Variants in SETBP1 observed in about 807,000 individuals in gnomAD.
The protein encoded by SETBP1 is SET-binding protein.
In SETBP1, 9 loss-of-function variants were observed where a neutral mutation model predicts 101.0. The ratio of observed to expected loss-of-function variants is 0.09; its 90% CI spans 0.05 to 0.16. The LOEUF (loss-of-function observed/expected upper bound fraction) is 0.16. Among genes scored for constraint, SETBP1 ranks in the 10% least tolerant of loss-of-function variants. The pLI, the probability that SETBP1 is intolerant of heterozygous loss-of-function variation, is 1.00. For missense variants in SETBP1, 1,858 were observed against 2,033.8 expected, an observed-to-expected ratio of 0.91 and a Z score of 1.66; for synonymous variants, 818 against 788.5, an observed-to-expected ratio of 1.04 and a Z score of -0.63.
At chr18:44,749,215 C>A (rs1215667823) in intron 2 of SETBP1, among the ~76,000 whole-genome samples, 2 of 152,186 alleles carry the variant, frequency 1.3e-5, no homozygotes, top group Non-Finnish European at 2.9e-5. Context: ...TCCTTTAGTT[C>A]TGTTACATTC....
intron 4 of SETBP1, among the ~76,000 whole-genome samples, chr18:44,979,182 T>C (rs375771713): frequency 5.0e-4 from 76 of 152,302 alleles, no homozygotes; most frequent in Middle Eastern, 3.4e-3. Flanking sequence ...TTTTTGGCCA[T>C]TAGGGGCCCA....
intron 2 of SETBP1, among the ~76,000 whole-genome samples, chr18:44,720,611 G>A (rs1020446679): frequency 4.6e-5 from 7 of 152,290 alleles, no homozygotes; most frequent in Middle Eastern, 6.8e-3. Context: ...TTAGGCCCAC[G>A]CATGGTGCTT....
In SETBP1 at chr18:44,951,194, T is replaced by A. The variant is rs1226111726; in HGVS notation, c.1854T>A (p.Pro618=). 6.2e-7 allele frequency: 1 copy of A among 1,614,152 alleles called. No individual in the cohort carries two copies. Among genetic ancestry groups the A allele is most frequent in the Admixed American group, 1.7e-5 (1 of 60,010 alleles). The change falls in exon 4 of 6, where the codon CCT becomes CCA. Residue 618 remains proline (P), a synonymous_variant. Coordinates refer to ENST00000649279, the MANE Select transcript of SETBP1 (RefSeq NM_015559.3). The surrounding 1 kb of genome is among the most constrained non-coding windows in gnomAD (Gnocchi z 7.8). ...SPVSPISREF[P]GTKKRKRRRN... ...TCAGTCCCATCAGCCGAGAGTTTCC[T>A]GGCACTAAGAAAAGAAAGCGACGAC...
At chr18:44,924,361 G>A (rs1456187527) in intron 3 of SETBP1, among the ~76,000 whole-genome samples, 1 of 152,160 alleles carries the variant, frequency 6.6e-6, no homozygotes, top group Admixed American at 6.6e-5. Flanking sequence ...AGAAGAAATG[G>A]CTAGAGAGGG....
At chr18:44,681,634 G>A (rs2068762111) in intron 1 of SETBP1, among the ~76,000 whole-genome samples, 1 of 146,436 alleles carries the variant, frequency 6.8e-6, no homozygotes. Context: ...GAGATTGAAA[G>A]TTGTGCAATT....
chr18:44,734,004 A>C (rs2069902656), intron 2 of SETBP1, among the ~76,000 whole-genome samples: 1 of 152,150 alleles, frequency 6.6e-6, no homozygotes, highest in African/African-American at 2.4e-5. Flanking sequence ...CAGGGCCTTC[A>C]CAGAGCTGGG....
At chr18:44,985,742 T>C (rs2072217369) in intron 4 of SETBP1, among the ~76,000 whole-genome samples, 1 of 152,246 alleles carries the variant, frequency 6.6e-6, no homozygotes, top group African/African-American at 2.4e-5. Context: ...CTTTTAGGGC[T>C]ATGAATTCTC....
intron 3 of SETBP1, among the ~76,000 whole-genome samples, chr18:44,898,573 T>A (rs2069962624): frequency 6.6e-6 from 1 of 152,216 alleles, no homozygotes; most frequent in Admixed American, 6.5e-5. Flanking sequence ...TTCCTGAGTT[T>A]GGGGAAGGAA....
At chr18:45,027,723 G>C (rs909642737) in intron 4 of SETBP1, among the ~76,000 whole-genome samples, 1 of 152,136 alleles carries the variant, frequency 6.6e-6, no homozygotes. Context: ...TCTTACACGT[G>C]CGTTAGTTTT....
rs7234581 is a variant in SETBP1 at position 44,800,183 on chromosome 18, T to C, written c.487-69047T>C. On this transcript the variant is annotated intron_variant, in intron 2 of 5. Coordinates refer to ENST00000649279, the MANE Select transcript of SETBP1 (RefSeq NM_015559.3). The stretch of plus-strand genomic sequence containing the variant: ...AGGGAAGTGGATTTTTATTTTATGC[T>C]AGGAGACCTCAAGGCTAATTATTCA... 0.14 allele frequency among the ~76,000 whole-genome samples: 20,948 copies of C among 152,096 alleles called. 2,142 individuals are homozygous for C. The highest frequency in any genetic ancestry group is 0.29 in the African/African-American group (11,949 of 41,460).
chr18:44,824,196 C>A (rs1042803773), intron 2 of SETBP1, among the ~76,000 whole-genome samples: 1 of 152,154 alleles, frequency 6.6e-6, no homozygotes, highest in African/African-American at 2.4e-5. Context: ...CTTAAGGCTG[C>A]AGCTCTCTTC....
intron 5 of SETBP1, among the ~76,000 whole-genome samples, chr18:45,059,400 A>G (rs1599506456): frequency 6.6e-6 from 1 of 152,228 alleles, no homozygotes; most frequent in Non-Finnish European, 1.5e-5. Flanking sequence ...TCAAATTTCC[A>G]TTTATTTCAT....
At chr18:44,975,446 T>C (rs1416169347) in intron 4 of SETBP1, among the ~76,000 whole-genome samples, 2 of 152,128 alleles carry the variant, frequency 1.3e-5, no homozygotes, top group Non-Finnish European at 2.9e-5. Context: ...ATTTAATAAG[T>C]GTAGTAAGCA....
chr18:44,748,295 A>G (rs2070305319), intron 2 of SETBP1, among the ~76,000 whole-genome samples: 1 of 152,276 alleles, frequency 6.6e-6, no homozygotes, highest in African/African-American at 2.4e-5. Flanking sequence ...CAGAGTTAGT[A>G]TAAAAGATGA....
chr18:44,817,672 G>A (rs1251737162), intron 2 of SETBP1, among the ~76,000 whole-genome samples: 4 of 146,962 alleles, frequency 2.7e-5, no homozygotes, highest in East Asian at 2.0e-4. Flanking sequence ...GTGACAGTGC[G>A]AGACTCCATC....
At chr18:45,047,618 G>A (rs75389569) in intron 5 of SETBP1, among the ~76,000 whole-genome samples, 2,841 of 152,308 alleles carry the variant, frequency 0.019, 62 homozygotes, top group South Asian at 0.061. Context: ...GGCATAGTGA[G>A]CCCAGCTGCA....
At chr18:44,992,916 A>C (rs1002748991) in intron 4 of SETBP1, among the ~76,000 whole-genome samples, 1 of 152,070 alleles carries the variant, frequency 6.6e-6, no homozygotes, top group East Asian at 1.9e-4. Flanking sequence ...TCCAGACAAA[A>C]TAAAAACAAA....
At chr18:44,717,891 T>C (rs744279) in intron 2 of SETBP1, among the ~76,000 whole-genome samples, 24,799 of 152,204 alleles carry the variant, frequency 0.16, 2,060 homozygotes, top group African/African-American at 0.18. Context: ...TTTTTCTAGA[T>C]GACTTAAAAT....
At chr18:44,851,876 C>T (rs972388097) in intron 2 of SETBP1, among the ~76,000 whole-genome samples, 2 of 152,190 alleles carry the variant, frequency 1.3e-5, no homozygotes, top group African/African-American at 4.8e-5. Context: ...CTCACACCGG[C>T]GAGGCTACAC....
Sources: allele counts gnomAD v4.1 joint callset (sites outside exome capture counted in the v4.1 genomes callset), GRCh38; gene constraint gnomAD v4.1.1; non-coding constraint Gnocchi (gnomAD v3.1); transcripts MANE v1.5; gene names NCBI Gene and HGNC (gene_info 2026-07-23, HGNC 2026-07-21).